ABLIM1: variants seen among roughly 807,000 people sequenced by gnomAD.
The protein encoded by ABLIM1 is actin binding LIM protein 1, also known as actin-binding LIM protein 1.
Under a neutral mutation model 107.0 loss-of-function variants are expected in ABLIM1, and 40 were observed. The ratio of observed to expected loss-of-function variants is 0.37; its 90% CI spans 0.29 to 0.49. The LOEUF (loss-of-function observed/expected upper bound fraction) is 0.49. Ranked by LOEUF, ABLIM1 falls within the 20% of genes least tolerant of loss-of-function variation. The pLI, the probability that ABLIM1 is intolerant of heterozygous loss-of-function variation, is 0.97. For missense variants in ABLIM1, 857 were observed against 1,008.5 expected (o/e 0.85, Z 2.04); for synonymous variants, 357 against 357.3 (o/e 1.00, Z 0.01).
At position 114,601,883 on chromosome 10, in the gene ABLIM1, C is replaced by T. The variant is rs770251055; in HGVS notation, c.323G>A (p.Gly108Asp). The change falls in exon 2 of 23, where the codon GGT (glycine) becomes GAT (aspartate). Residue 108 changes from glycine to aspartate, a missense_variant. By Grantham distance (94) the Gly-to-Asp change is moderately conservative (BLOSUM62 -1). Coordinates refer to ENST00000533213, the MANE Select transcript of ABLIM1 (RefSeq NM_002313.7). ...HCHKCGEPCK[G>D]EVLRVQTKHF... ...TTTGGTCTGGACCCGAAGCACTTCA[C>T]CCTTGCAAGGCTCCCCACATTTATG... 1.2e-6 allele frequency: 2 copies of T among 1,614,062 alleles called. No individual in the cohort carries two copies. Among genetic ancestry groups the T allele is most frequent in the Non-Finnish European group, 8.5e-7 (1 of 1,180,038 alleles).
chr10:114,526,664 G>A (rs1206742085), intron 6 of ABLIM1: 1 of 985,382 alleles, frequency 1.0e-6, no homozygotes, highest in Non-Finnish European at 1.2e-6. Flanking sequence ...CTTTACCTCA[G>A]GCCAGGGTTC....
chr10:114,686,789 C>T (rs565528466), upstream of ABLIM1, among the ~76,000 whole-genome samples: 12 of 151,768 alleles, frequency 7.9e-5, no homozygotes, highest in East Asian at 2.3e-3. Flanking sequence ...CCACCATGCC[C>T]GGCTATTTTT....
intron 5 of ABLIM1, 113 bp from the exon 6 acceptor site, chr10:114,545,211 C>T (rs1384058173): frequency 2.1e-6 from 2 of 953,436 alleles, no homozygotes; most frequent in African/African-American, 1.6e-5. Context: ...TATTTCTCCC[C>T]TGCCCAGTGT....
intron 2 of ABLIM1, among the ~76,000 whole-genome samples, chr10:114,597,655 T>A (rs1365835911): frequency 2.0e-5 from 3 of 152,148 alleles, no homozygotes; most frequent in African/African-American, 7.2e-5. Context: ...GAGAAATGTC[T>A]CGTGTCAGAG....
chr10:114,721,054 A>C (rs1045778121), intron 1 of ABLIM1, among the ~76,000 whole-genome samples: 1 of 152,246 alleles, frequency 6.6e-6, no homozygotes, highest in African/African-American at 2.4e-5. Flanking sequence ...TGATTACTAC[A>C]TAAACGCCTG....
chr10:114,620,044 G>A (rs144881507), intron 1 of ABLIM1, among the ~76,000 whole-genome samples: 2 of 152,278 alleles, frequency 1.3e-5, no homozygotes, highest in African/African-American at 4.8e-5. Flanking sequence ...ATGGAAACAT[G>A]GTTGCCCACA....
At chr10:114,596,631 T>C (rs1265112010) in intron 2 of ABLIM1, among the ~76,000 whole-genome samples, 2 of 152,088 alleles carry the variant, frequency 1.3e-5, no homozygotes, top group Non-Finnish European at 2.9e-5. Context: ...TGCTCACCAA[T>C]CCCTACCTTG....
chr10:114,440,061 G>A, intron 20 of ABLIM1, 21 bp downstream of exon 20: 3 of 1,613,792 alleles, frequency 1.9e-6, no homozygotes, highest in Non-Finnish European at 2.5e-6. Flanking sequence ...GCCAATTCAA[G>A]AAAGACAAAG....
intron 1 of ABLIM1, among the ~76,000 whole-genome samples, chr10:114,603,100 C>G (rs1267293064): frequency 1.3e-5 from 2 of 152,130 alleles, no homozygotes; most frequent in South Asian, 4.1e-4. Context: ...GAACATTGAA[C>G]CTAAAATTAA....
intron 6 of ABLIM1, among the ~76,000 whole-genome samples, chr10:114,520,765 G>T (rs978942914): frequency 3.9e-5 from 6 of 152,022 alleles, no homozygotes; most frequent in African/African-American, 1.2e-4. Flanking sequence ...GAGGCCAGGA[G>T]TTAAGAGAGC....
chr10:114,735,252 C>G (rs554215327), intron 1 of ABLIM1, among the ~76,000 whole-genome samples: 1 of 152,292 alleles, frequency 6.6e-6, no homozygotes, highest in South Asian at 2.1e-4. Context: ...GATGAAGAGT[C>G]TCAGTCTAAA....
At chr10:114,626,758 T>C (rs115051453) in intron 1 of ABLIM1, among the ~76,000 whole-genome samples, 4 of 152,138 alleles carry the variant, frequency 2.6e-5, no homozygotes, top group East Asian at 1.9e-4. Context: ...TATTTGGAGA[T>C]AGGGTCTTTA....
chr10:114,469,932 C>T (rs933426812), intron 10 of ABLIM1, among the ~76,000 whole-genome samples: 2 of 152,118 alleles, frequency 1.3e-5, no homozygotes, highest in Non-Finnish European at 1.5e-5. Context: ...AGTAAGTGGG[C>T]GGACTGTCTG....
At chr10:114,771,808 C>A (rs2083027861), upstream of ABLIM1, among the ~76,000 whole-genome samples, 1 of 151,862 alleles carries the variant, frequency 6.6e-6, no homozygotes, top group South Asian at 2.1e-4. Flanking sequence ...TTATATAGAC[C>A]AAAGGGATGA....
intron 1 of ABLIM1, among the ~76,000 whole-genome samples, chr10:114,697,143 C>T (rs1420913260): frequency 6.6e-6 from 1 of 152,198 alleles, no homozygotes; most frequent in Non-Finnish European, 1.5e-5. Flanking sequence ...CTTCCCTTCT[C>T]ATTTCTGCTC....
At chr10:114,738,349 A>G (rs808333) in intron 1 of ABLIM1, among the ~76,000 whole-genome samples, 17,168 of 152,222 alleles carry the variant, frequency 0.11, 997 homozygotes, top group Middle Eastern at 0.15. Flanking sequence ...TGTGCCCAGC[A>G]GATATGTGAA....
chr10:114,472,465 A>G (rs928921664), intron 10 of ABLIM1, among the ~76,000 whole-genome samples: 3 of 152,142 alleles, frequency 2.0e-5, no homozygotes, highest in African/African-American at 7.2e-5. Flanking sequence ...CTGGGTTGAG[A>G]CCAGGTAATT....
intron 10 of ABLIM1, among the ~76,000 whole-genome samples, chr10:114,471,582 TC>T (rs1434853183): frequency 6.6e-6 from 1 of 152,056 alleles, no homozygotes; most frequent in African/African-American, 2.4e-5. Context: ...GGATATCACT[TC>T]CTGCCACAGG....
intron 1 of ABLIM1, among the ~76,000 whole-genome samples, chr10:114,752,639 G>A (rs997844827): frequency 6.6e-6 from 1 of 152,116 alleles, no homozygotes; most frequent in Non-Finnish European, 1.5e-5. Context: ...CCTTCCCTGT[G>A]TCTATGTGTT....
Sources: allele counts gnomAD v4.1 joint callset (sites outside exome capture counted in the v4.1 genomes callset), GRCh38; gene constraint gnomAD v4.1.1; transcripts MANE v1.5; gene names NCBI Gene and HGNC (gene_info 2026-07-23, HGNC 2026-07-21).